The following CIROZ variants were observed in gnomAD, a reference collection of about 807,000 sequenced individuals.
CIROZ encodes the protein ciliated left-right organizer protein containing ZP-N domains, also known as ciliated left-right organizer ZP-N domains-containing protein.
chr1:10,973,188 C>G, the CIROZ span, among the ~76,000 whole-genome samples: 33 of 152,128 alleles, frequency 2.2e-4, no homozygotes, highest in Admixed American at 4.6e-4. Context: ...GCTTGGCCAA[C>G]ATGGTGAAAC....
chr1:10,979,828 A>G, the CIROZ span, among the ~76,000 whole-genome samples: 1 of 152,190 alleles, frequency 6.6e-6, no homozygotes, highest in Admixed American at 6.5e-5. Flanking sequence ...CGGGCGGATC[A>G]CTTGAGGTCA....
At chr1:10,960,691 CG>C in the CIROZ span, among the ~76,000 whole-genome samples, 1 of 152,230 alleles carries the variant, frequency 6.6e-6, no homozygotes, top group African/African-American at 2.4e-5. This position sits in a 1 kb window ranked among gnomAD's most constrained non-coding sequence, Gnocchi z 4.6. Flanking sequence ...GGGCACGGCT[CG>C]GGTACACCCT....
chr1:10,956,852 G>T, the CIROZ span, among the ~76,000 whole-genome samples: 2 of 152,108 alleles, frequency 1.3e-5, no homozygotes, highest in Non-Finnish European at 2.9e-5. Flanking sequence ...TCCAGCAAAA[G>T]CAAACTTCTC....
the CIROZ span, among the ~76,000 whole-genome samples, chr1:10,960,034 G>A: frequency 6.6e-6 from 1 of 152,210 alleles, no homozygotes; most frequent in African/African-American, 2.4e-5. This position sits in a 1 kb window ranked among gnomAD's most constrained non-coding sequence, Gnocchi z 4.6. Flanking sequence ...GAACCAGGAA[G>A]AAGACAGAGA....
chr1:10,972,422 C>CAA, the CIROZ span, among the ~76,000 whole-genome samples: 5,931 of 112,496 alleles, frequency 0.053, 126 homozygotes, highest in African/African-American at 0.091. Context: ...CTCTGAAATA[C>CAA]ACACACACAC....
At chr1:10,971,304 G>C in the CIROZ span, among the ~76,000 whole-genome samples, 1 of 151,100 alleles carries the variant, frequency 6.6e-6, no homozygotes, top group African/African-American at 2.4e-5. Flanking sequence ...CCCAGCCTCT[G>C]CCCATCCTGC....
chr1:10,970,050 G>A, the CIROZ span: 175 of 1,525,892 alleles, frequency 1.1e-4, no homozygotes, highest in Non-Finnish European at 1.4e-4. Context: ...CATGTAGTCT[G>A]AGAAGCACTC....
chr1:10,960,888 A>G, the CIROZ span, among the ~76,000 whole-genome samples: 1 of 146,216 alleles, frequency 6.8e-6, no homozygotes, highest in South Asian at 2.4e-4. The surrounding 1 kb of genome is among the most constrained non-coding windows in gnomAD (Gnocchi z 4.6). Flanking sequence ...AGTCAATTCG[A>G]TGAGGTTCTC....
the CIROZ span, among the ~76,000 whole-genome samples, chr1:10,965,436 A>G: frequency 0.19 from 28,284 of 152,128 alleles, 3,556 homozygotes; most frequent in South Asian, 0.41. Context: ...AATTTAAGTA[A>G]CAAGAATGCT....
At chr1:10,969,415 CTTG>C in the CIROZ span, among the ~76,000 whole-genome samples, 1 of 152,154 alleles carries the variant, frequency 6.6e-6, no homozygotes, top group Non-Finnish European at 1.5e-5. Flanking sequence ...CACTATGCCC[CTTG>C]TTGTTTGCTA....
chr1:10,955,947 C>T, the CIROZ span, among the ~76,000 whole-genome samples: 5 of 152,000 alleles, frequency 3.3e-5, no homozygotes, highest in African/African-American at 1.2e-4. Context: ...TTTAAGCCAG[C>T]TCTGCAGCTG....
the CIROZ span, among the ~76,000 whole-genome samples, chr1:10,980,745 C>T: frequency 8.7e-4 from 132 of 152,304 alleles, no homozygotes; most frequent in African/African-American, 3.0e-3. Flanking sequence ...GAGCATCAAT[C>T]GGGAGAAAGA....
At chr1:10,949,629 C>T in the CIROZ span, 3 of 1,601,264 alleles carry the variant, frequency 1.9e-6, no homozygotes, top group Non-Finnish European at 2.6e-6. Flanking sequence ...CGTGCTTTGG[C>T]CAGTGCGTCG....
the CIROZ span, among the ~76,000 whole-genome samples, chr1:10,976,877 C>T: frequency 6.6e-6 from 1 of 152,026 alleles, no homozygotes; most frequent in Non-Finnish European, 1.5e-5. Context: ...GATTTTAGGC[C>T]GGGTGCGAGG....
the CIROZ span, among the ~76,000 whole-genome samples, chr1:10,961,341 A>G: frequency 6.6e-6 from 1 of 151,438 alleles, no homozygotes; most frequent in Non-Finnish European, 1.5e-5. Context: ...TGGCGTGGCC[A>G]CTCTGAGCCC....
the CIROZ span, among the ~76,000 whole-genome samples, chr1:10,971,007 C>T: frequency 5.2e-5 from 7 of 135,806 alleles, no homozygotes; most frequent in African/African-American, 1.1e-4. Flanking sequence ...TTTAAATTAG[C>T]GGAGCATCGT....
chr1:10,952,599 A>G, the CIROZ span, among the ~76,000 whole-genome samples: 1 of 152,068 alleles, frequency 6.6e-6, no homozygotes, highest in Non-Finnish European at 1.5e-5. Flanking sequence ...GCACAATCTC[A>G]GCTCACTGCA....
At chr1:10,947,627 T>C in the CIROZ span, 1 of 1,411,846 alleles carries the variant, frequency 7.1e-7, no homozygotes, top group Non-Finnish European at 9.3e-7. Flanking sequence ...CTCCCCAGGG[T>C]GCACCCAGGA....
At chr1:10,966,590 T>C in the CIROZ span, 3 of 1,248,640 alleles carry the variant, frequency 2.4e-6, no homozygotes, top group Non-Finnish European at 3.2e-6. Context: ...CCTGGAAGCT[T>C]CTTACCTGGA....
Sources: gnomAD v4.1 joint callset for allele counts (sites outside exome capture counted in the v4.1 genomes callset) on GRCh38, gnomAD v4.1.1 for gene constraint, Gnocchi (gnomAD v3.1) non-coding constraint, MANE v1.5 for transcripts, NCBI Gene and HGNC (gene_info 2026-07-23, HGNC 2026-07-21) for gene names.